Variants in KAZN observed in about 807,000 individuals in gnomAD.
The protein encoded by KAZN is kazrin, periplakin interacting protein.
In KAZN, 40 loss-of-function variants were observed where a neutral mutation model predicts 87.4. The ratio of observed to expected loss-of-function variants is 0.46; its 90% CI spans 0.36 to 0.60. The LOEUF (loss-of-function observed/expected upper bound fraction) is 0.60, where lower values mean the gene tolerates loss of function less well. Ranked by LOEUF, KAZN falls within the 20% of genes least tolerant of loss-of-function variation. The pLI, the probability that KAZN is intolerant of heterozygous loss-of-function variation, is 0.00. For synonymous variants in KAZN, 466 were observed against 458.3 expected (o/e 1.02, Z -0.22); for missense variants, 898 against 1,073.9 (o/e 0.84, Z 2.29).
chr1:14,370,140 G>T (rs1215875635), intron 2 of KAZN, among the ~76,000 whole-genome samples: 1 of 152,192 alleles, frequency 6.6e-6, no homozygotes, highest in Non-Finnish European at 1.5e-5. Flanking sequence ...TCCACAGAGG[G>T]TGGATGTCTT....
chr1:14,608,153 A>T (rs1997785), intron 1 of KAZN, among the ~76,000 whole-genome samples: 109,988 of 152,166 alleles, frequency 0.72, 40,469 homozygotes, highest in Non-Finnish European at 0.8. Flanking sequence ...AGATGTCACT[A>T]TCAGGTAGCC....
intron 1 of KAZN, chr1:14,924,597 G>GGCGGGCGGC (rs1301605911): frequency 3.0e-6 from 3 of 1,009,038 alleles, no homozygotes; most frequent in Non-Finnish European, 3.5e-6. Flanking sequence ...GGCGGGGCGG[G>GGCGGGCGGC]GCGGGCGGCG....
chr1:14,445,715 T>C (rs1666946439), intron 2 of KAZN, among the ~76,000 whole-genome samples: 2 of 152,170 alleles, frequency 1.3e-5, no homozygotes, highest in Non-Finnish European at 2.9e-5. Context: ...TGAGAACACC[T>C]GAGGCTCAAT....
chr1:13,941,083 A>T (rs893477394), intron 1 of KAZN, among the ~76,000 whole-genome samples: 1 of 152,032 alleles, frequency 6.6e-6, no homozygotes, highest in Non-Finnish European at 1.5e-5. Flanking sequence ...AATCCCAGCT[A>T]CTCGGGAGGC....
At position 14,976,031 on chromosome 1, in the gene KAZN, CAAAAAAAAAAAAA is replaced by C. The variant is rs1162988294; in HGVS notation, c.418+15166_418+15178del. Among the ~76,000 whole-genome samples, 769 of 85,570 alleles carry C rather than the reference CAAAAAAAAAAAAA, an allele frequency of 9.0e-3. 11 individuals are homozygous for C. Among genetic ancestry groups the C allele is most frequent in the African/African-American group, 0.03 (728 of 24,360 alleles). The allele number at this position is 85,570 out of a possible 152,430, so 56.1% of individuals were successfully genotyped here. On this transcript the variant is annotated intron_variant, in intron 2 of 14. Coordinates refer to ENST00000376030, the MANE Select transcript of KAZN (RefSeq NM_201628.3). ...TGGGCGACTGAGCGAGACTCCGTCT[CAAAAAAAAAAAAA>C]AAAAAAAAAGCAAAGAAAGTACACT...
rs190507014 is a variant in KAZN at position 14,355,547 on chromosome 1, A to T, written c.249+174955A>T. The stretch of plus-strand genomic sequence containing the variant: ...AACCATCAACCCGTCATTGATCTAC[A>T]TTAGGTATTTCTCCTAATGCTGTCC... On this transcript the variant is annotated intron_variant, in intron 2 of 16. Transcript: ENST00000636203. 8.5e-5 allele frequency among the ~76,000 whole-genome samples: 13 copies of T among 152,214 alleles called. No homozygotes were observed. In the South Asian group the frequency reaches 2.3e-3, roughly 27 times the overall value.
chr1:14,470,846 A>G (rs987677437), intron 2 of KAZN, among the ~76,000 whole-genome samples: 18 of 152,130 alleles, frequency 1.2e-4, no homozygotes, highest in African/African-American at 4.1e-4. Flanking sequence ...TCCACATTGA[A>G]TAGAGTATGA....
intron 2 of KAZN, among the ~76,000 whole-genome samples, chr1:14,316,378 A>C (rs55798916): frequency 0.11 from 17,189 of 150,640 alleles, 1,053 homozygotes; most frequent in East Asian, 0.23. Flanking sequence ...CCATAATATC[A>C]TTTTAATATC....
chr1:14,105,250 GT>G (rs1206332483), intron 1 of KAZN, among the ~76,000 whole-genome samples: 2 of 152,220 alleles, frequency 1.3e-5, no homozygotes, highest in Non-Finnish European at 2.9e-5. Context: ...ATCAGGATCT[GT>G]TGAGTGTGTA....
At chr1:14,436,734 A>AAAAAAACAAAAACAAAAAC (rs563539375) in intron 2 of KAZN, among the ~76,000 whole-genome samples, 9 of 137,358 alleles carry the variant, frequency 6.6e-5, no homozygotes, top group Non-Finnish European at 9.2e-5. Flanking sequence ...AAAAAAAAAA[A>AAAAAAACAAAAACAAAAAC]AAAACCTTAA....
rs540864986 is a variant in KAZN at position 14,350,050 on chromosome 1, C to T, written c.249+169458C>T. ...ACTCGGGAGGCGTGAACCTGGGAGG[C>T]GTGAACCTGGGAGGCGGAGCTTGCA... On this transcript the variant is annotated intron_variant, in intron 2 of 16. Transcript: ENST00000636203. Among the ~76,000 whole-genome samples the T allele has an allele frequency of 1.5e-3, 227 of 148,524 alleles. 1 individual carries two copies. Among genetic ancestry groups the T allele is most frequent in the African/African-American group, 4.7e-3 (189 of 40,242 alleles).
intron 1 of KAZN, among the ~76,000 whole-genome samples, chr1:14,776,767 C>T (rs10927546): frequency 0.63 from 95,191 of 151,568 alleles, 30,040 homozygotes; most frequent in South Asian, 0.7. Flanking sequence ...TCTCCACAAT[C>T]TGCTTTGTTT....
At position 14,406,863 on chromosome 1, in the gene KAZN, T is replaced by C. The variant is rs139009285; in HGVS notation, c.250-192120T>C. Among the ~76,000 whole-genome samples the C allele has an allele frequency of 2.7e-3, 417 of 152,312 alleles. 4 individuals are homozygous for C. Among genetic ancestry groups the C allele is most frequent in the South Asian group, 0.022 (106 of 4,826 alleles). ...ACTCTTTGTGTCTTGGTTTTCTCGA[T>C]TGTAAAAGACAGCTAATAATAGTAG... On this transcript the variant is annotated intron_variant, in intron 2 of 16. Coordinates refer to the KAZN transcript ENST00000636203.
chr1:15,050,215 G>A lies in KAZN; in HGVS notation c.727-5876G>A, dbSNP rs138075499. Among the ~76,000 whole-genome samples, 783 of 150,390 alleles carry A rather than the reference G, an allele frequency of 5.2e-3. 3 individuals carry two copies. The highest frequency in any genetic ancestry group is 0.01 in the Middle Eastern group (3 of 288). Reference sequence around the variant, plus strand: ...GAATAGAATAGAATAGAATAGAATAGAATAGAACCTTCCCCCTAGAGTGAC... The same window carrying A: ...GAATAGAATAGAATAGAATAGAATAAAATAGAACCTTCCCCCTAGAGTGAC... On this transcript the variant is annotated intron_variant, in intron 4 of 14. Coordinates refer to ENST00000376030, the MANE Select transcript of KAZN (RefSeq NM_201628.3).
intron 1 of KAZN, among the ~76,000 whole-genome samples, chr1:14,620,310 T>G (rs1243149628): frequency 1.3e-5 from 2 of 152,270 alleles, no homozygotes; most frequent in African/African-American, 4.8e-5. Flanking sequence ...CACCCATTTC[T>G]GAAAGTTGTT....
At chr1:13,913,964 C>T (rs1230390682) in intron 1 of KAZN, among the ~76,000 whole-genome samples, 2 of 152,202 alleles carry the variant, frequency 1.3e-5, no homozygotes, top group Non-Finnish European at 2.9e-5. Flanking sequence ...AAGGCAGATT[C>T]TCAGGCCTCA....
chr1:13,981,042 C>G (rs1638638781), intron 1 of KAZN, among the ~76,000 whole-genome samples: 2 of 109,386 alleles, frequency 1.8e-5, no homozygotes, highest in South Asian at 6.0e-4. Flanking sequence ...GACATTATCC[C>G]TTAAGGGGCA....
chr1:14,126,604 T>C (rs1644874564), intron 1 of KAZN, among the ~76,000 whole-genome samples: 1 of 150,518 alleles, frequency 6.6e-6, no homozygotes, highest in South Asian at 2.1e-4. Flanking sequence ...AAATATCACT[T>C]TTATTTTACA....
intron 1 of KAZN, among the ~76,000 whole-genome samples, chr1:14,703,063 A>G (rs1642018610): frequency 6.6e-6 from 1 of 152,196 alleles, no homozygotes; most frequent in Admixed American, 6.5e-5. Context: ...TTGAGAGGGT[A>G]AAAATTTTCC....
Sources: allele counts gnomAD v4.1 joint callset (sites outside exome capture counted in the v4.1 genomes callset), GRCh38; gene constraint gnomAD v4.1.1; transcripts MANE v1.5; gene names NCBI Gene and HGNC (gene_info 2026-07-23, HGNC 2026-07-21).